The following MAN1A2 variants were observed in gnomAD, a reference collection of about 807,000 sequenced individuals.
MAN1A2 encodes mannosidase alpha class 1A member 2, also known as mannosyl-oligosaccharide 1,2-alpha-mannosidase IB.
Under a neutral mutation model 75.7 loss-of-function variants are expected in MAN1A2, and 26 were observed. That is an observed-to-expected ratio of 0.34 (90% CI 0.25 to 0.48). MAN1A2 has a LOEUF of 0.48. Ranked by LOEUF, MAN1A2 falls within the 20% of genes least tolerant of loss-of-function variation. MAN1A2 has a pLI of 0.99. For synonymous variants in MAN1A2, 247 were observed against 264.6 expected, an observed-to-expected ratio of 0.93 and a Z score of 0.65; for missense variants, 562 against 775.5, an observed-to-expected ratio of 0.72 and a Z score of 3.27.
intron 8 of MAN1A2, among the ~76,000 whole-genome samples, chr1:117,491,015 GTT>G (rs1487871258): frequency 6.6e-6 from 1 of 152,024 alleles, no homozygotes; most frequent in Non-Finnish European, 1.5e-5. Context: ...GGTTTATGAG[GTT>G]TAAAGAAGGA....
intron 3 of MAN1A2, among the ~76,000 whole-genome samples, chr1:117,410,784 A>G (rs1241729845): frequency 6.6e-6 from 1 of 151,828 alleles, no homozygotes; most frequent in African/African-American, 2.4e-5. Flanking sequence ...TTAATATGCA[A>G]AACCAATTAT....
Position 117,368,090 on chromosome 1 carries a change from C to T in MAN1A2, c.-94C>T, listed in dbSNP as rs558197235. On this transcript the variant is annotated 5_prime_UTR_variant, in exon 1 of 13. Transcript: ENST00000356554. ...TTAAGAGGAGCAAAATTGAGTTTTC[C>T]CATTTTGGCCAAGATTTTGAAGACA... The T allele has an allele frequency of 7.5e-5, 97 of 1,293,012 alleles. No individual in the cohort carries two copies. In the South Asian group the frequency reaches 1.4e-3, roughly 18 times the overall value. 80.1% of individuals were successfully genotyped at this position (1,293,012 alleles called of 1,614,324 possible).
chr1:117,472,251 T>C (rs1650182789), intron 8 of MAN1A2, among the ~76,000 whole-genome samples: 1 of 151,904 alleles, frequency 6.6e-6, no homozygotes, highest in African/African-American at 2.4e-5. Context: ...AAAAGGAAAA[T>C]CCTAAGTTAA....
In MAN1A2 at chr1:117,499,560, T is replaced by C; in HGVS notation, c.1677+6T>C. The C allele has an allele frequency of 1.3e-6, 2 of 1,588,692 alleles. No homozygotes were observed. Among genetic ancestry groups the C allele is most frequent in the Non-Finnish European group, 8.6e-7 (1 of 1,168,094 alleles). On this transcript the variant is annotated splice_donor_region_variant and intron_variant, in intron 11 of 12. Transcript: ENST00000356554. ...GGGGCTGGGAAGCAGCACTGGTAAA[T>C]AAGCCAATATTCCATTTTATCTGCA...
intron 8 of MAN1A2, among the ~76,000 whole-genome samples, chr1:117,480,938 C>T (rs535712273): frequency 5.9e-4 from 89 of 151,870 alleles, no homozygotes; most frequent in Admixed American, 6.6e-5. Flanking sequence ...TCTAATGGTT[C>T]GTTACCTACA....
In MAN1A2 at chr1:117,437,025, A is replaced by G. The variant is rs781438277; in HGVS notation, c.856-5206A>G. On this transcript the variant is annotated intron_variant, in intron 5 of 12. Transcript: ENST00000356554. ...AATGTGTTTCTGTCTCTTTGTGTTAACCCTCAGTTTTGCAGTGACCTTCAC... is the reference window on the plus strand; with the variant it reads ...AATGTGTTTCTGTCTCTTTGTGTTAGCCCTCAGTTTTGCAGTGACCTTCAC... Among the ~76,000 whole-genome samples, 56 of 152,070 alleles carry G rather than the reference A, an allele frequency of 3.7e-4. 1 individual carries two copies. Among genetic ancestry groups the G allele is most frequent in the Non-Finnish European group, 1.6e-4 (11 of 68,014 alleles).
chr1:117,445,502 CAAATT>C (rs1312841227), intron 6 of MAN1A2, among the ~76,000 whole-genome samples: 7 of 152,046 alleles, frequency 4.6e-5, no homozygotes, highest in Admixed American at 3.9e-4. Flanking sequence ...TTTTTAATAA[CAAATT>C]AAAATTTGTG....
intron 9 of MAN1A2, among the ~76,000 whole-genome samples, chr1:117,495,331 C>G (rs559595653): frequency 6.6e-6 from 1 of 151,404 alleles, no homozygotes; most frequent in Non-Finnish European, 1.5e-5. Flanking sequence ...AGTATGCAGT[C>G]TTTGCAGTGT....
rs1436058587 is a variant in MAN1A2, at chr1:117,458,510, TAGATATATA to T, written c.951-1978_951-1970del. ...ATATATATATATCTATATATATATA[TAGATATATA>T]TATATTTTTTTTTTTTTTTTTGAGA... On this transcript the variant is annotated intron_variant, in intron 6 of 12. Coordinates refer to ENST00000356554, the MANE Select transcript of MAN1A2 (RefSeq NM_006699.5). Among the ~76,000 whole-genome samples the T allele has an allele frequency of 5.9e-3, 562 of 95,146 alleles. 11 individuals carry two copies. Among genetic ancestry groups the T allele is most frequent in the African/African-American group, 0.024 (536 of 22,116 alleles). The allele number at this position is 95,146 out of a possible 152,430, so 62.4% of individuals were successfully genotyped here. A position where few individuals can be genotyped will look rare whatever the true frequency, so the allele number is the denominator to read the frequency against.
At chr1:117,378,918 A>G (rs866733136) in intron 1 of MAN1A2, among the ~76,000 whole-genome samples, 1 of 152,118 alleles carries the variant, frequency 6.6e-6, no homozygotes, top group African/African-American at 2.4e-5. Flanking sequence ...TTATTTGTAC[A>G]TTCTGGATGA....
intron 2 of MAN1A2, among the ~76,000 whole-genome samples, chr1:117,403,313 T>C (rs1647504159): frequency 6.6e-6 from 1 of 152,220 alleles, no homozygotes; most frequent in Admixed American, 6.5e-5. Context: ...ACCTTGACCT[T>C]GATGGAGTAG....
intron 1 of MAN1A2, among the ~76,000 whole-genome samples, chr1:117,391,310 G>T (rs1362341813): frequency 6.6e-6 from 1 of 152,126 alleles, no homozygotes; most frequent in Admixed American, 6.5e-5. Flanking sequence ...GGTCAAGTTG[G>T]TTGATGGTGT....
chr1:117,389,159 CT>C (rs1653638280), intron 1 of MAN1A2, among the ~76,000 whole-genome samples: 2 of 152,198 alleles, frequency 1.3e-5, no homozygotes, highest in Non-Finnish European at 1.5e-5. Flanking sequence ...AATATTGAAG[CT>C]AAAAGAAAGA....
chr1:117,510,460 A>G (rs894355934), intron 12 of MAN1A2, among the ~76,000 whole-genome samples: 9 of 152,094 alleles, frequency 5.9e-5, no homozygotes, highest in Non-Finnish European at 1.2e-4. Context: ...TAGACAACAG[A>G]GTAAATCACT....
intron 5 of MAN1A2, among the ~76,000 whole-genome samples, chr1:117,441,103 C>A (rs1298398922): frequency 1.3e-5 from 2 of 152,096 alleles, no homozygotes; most frequent in African/African-American, 4.8e-5. Context: ...TGCTAAGAAG[C>A]TTGTGCCTTG....
At chr1:117,448,771 G>A (rs1649316921) in intron 6 of MAN1A2, among the ~76,000 whole-genome samples, 1 of 152,138 alleles carries the variant, frequency 6.6e-6, no homozygotes, top group Admixed American at 6.5e-5. Context: ...TGATGGGAGT[G>A]GCGAATTTGG....
intron 12 of MAN1A2, among the ~76,000 whole-genome samples, chr1:117,511,555 A>G (rs1245841643): frequency 6.6e-6 from 1 of 151,844 alleles, no homozygotes; most frequent in Non-Finnish European, 1.5e-5. Flanking sequence ...TTTAACTACT[A>G]TGATCTCCCC....
intron 9 of MAN1A2, chr1:117,494,793 A>G (rs1465279768): frequency 1.3e-5 from 2 of 152,132 alleles, no homozygotes; most frequent in Middle Eastern, 3.4e-3. Flanking sequence ...TCTTAGAACC[A>G]TATTGTTGAA....
At chr1:117,482,178 A>T (rs1218557784) in intron 8 of MAN1A2, among the ~76,000 whole-genome samples, 1 of 151,966 alleles carries the variant, frequency 6.6e-6, no homozygotes, top group African/African-American at 2.4e-5. Context: ...CATCATTTAC[A>T]ACTCACCGTA....
Sources: gnomAD v4.1 joint callset for allele counts (sites outside exome capture counted in the v4.1 genomes callset) on GRCh38, gnomAD v4.1.1 for gene constraint, MANE v1.5 for transcripts, NCBI Gene and HGNC (gene_info 2026-07-23, HGNC 2026-07-21) for gene names.